PREX1: variants seen among roughly 807,000 people sequenced by gnomAD.
The protein encoded by PREX1 is phosphatidylinositol-3,4,5-trisphosphate dependent Rac exchange factor 1.
A neutral mutation model predicts 198.3 loss-of-function variants in PREX1; 41 were observed. The observed-to-expected ratio is 0.21, with a 90% CI of 0.16 to 0.27. The LOEUF (loss-of-function observed/expected upper bound fraction) is 0.27. Ranked by LOEUF, PREX1 falls within the 10% of genes least tolerant of loss-of-function variation. The probability of loss-of-function intolerance (pLI) is 1.00; values close to 1 mark genes in which losing one functional copy is unlikely to be tolerated. For missense variants in PREX1, 1,620 were observed against 2,200.7 expected (o/e 0.74, Z 5.28); for synonymous variants, 843 against 887.2 (o/e 0.95, Z 0.89).
At chr20:48,747,565 G>A (rs897430245) in intron 2 of PREX1, among the ~76,000 whole-genome samples, 3 of 152,336 alleles carry the variant, frequency 2.0e-5, no homozygotes, top group Middle Eastern at 3.4e-3. Flanking sequence ...GGAAAGTCTC[G>A]GGTTGGAAAG....
chr20:48,794,785 C>T (rs1285520395), intron 1 of PREX1, among the ~76,000 whole-genome samples: 1 of 152,214 alleles, frequency 6.6e-6, no homozygotes, highest in East Asian at 1.9e-4. Flanking sequence ...GGGGAGACAG[C>T]AGTGCTATTT....
intron 4 of PREX1, among the ~76,000 whole-genome samples, chr20:48,727,879 G>C (rs2090016895): frequency 6.6e-6 from 1 of 152,152 alleles, no homozygotes; most frequent in African/African-American, 2.4e-5. Context: ...CTCTCCTTCA[G>C]AGAGGCTCCA....
chr20:48,674,564 A>C (rs1001650112), intron 14 of PREX1, among the ~76,000 whole-genome samples: 1 of 152,182 alleles, frequency 6.6e-6, no homozygotes, highest in Non-Finnish European at 1.5e-5. Context: ...TCGCTGAAAA[A>C]TTCACAGAAC....
chr20:48,670,891 T>C (rs1263471947), intron 14 of PREX1, among the ~76,000 whole-genome samples: 1 of 152,174 alleles, frequency 6.6e-6, no homozygotes, highest in Admixed American at 6.5e-5. Flanking sequence ...AACCCAAGCC[T>C]CAGTTTCTTC....
At chr20:48,727,278 A>G (rs1326870473) in intron 4 of PREX1, among the ~76,000 whole-genome samples, 1 of 152,096 alleles carries the variant, frequency 6.6e-6, no homozygotes, top group Non-Finnish European at 1.5e-5. Flanking sequence ...TTGCAGAGTT[A>G]AAAAGTACAG....
At chr20:48,661,311 C>T (rs1285932378) in intron 15 of PREX1, among the ~76,000 whole-genome samples, 1 of 147,206 alleles carries the variant, frequency 6.8e-6, no homozygotes, top group Non-Finnish European at 1.5e-5. Flanking sequence ...CCCAGCTACT[C>T]GCAAGGCTGA....
At chr20:48,836,528 C>T in the PREX1 span, among the ~76,000 whole-genome samples, 1 of 152,280 alleles carries the variant, frequency 6.6e-6, no homozygotes, top group African/African-American at 2.4e-5. Flanking sequence ...AGACAGAGGG[C>T]AAAGTCTGGA....
chr20:48,884,314 G>A, the PREX1 span, among the ~76,000 whole-genome samples: 1 of 152,156 alleles, frequency 6.6e-6, no homozygotes, highest in Non-Finnish European at 1.5e-5. Flanking sequence ...TCAAGACAGT[G>A]TGGCGTTGGC....
chr20:48,688,497 T>C (rs1005885357), intron 10 of PREX1, among the ~76,000 whole-genome samples, 160 bp downstream of exon 10: 6 of 152,208 alleles, frequency 3.9e-5, no homozygotes, highest in African/African-American at 1.4e-4. Flanking sequence ...ACTAGCCTTC[T>C]TGATCTCTGA....
chr20:48,772,967 C>T (rs931291301), intron 1 of PREX1, among the ~76,000 whole-genome samples: 1 of 152,146 alleles, frequency 6.6e-6, no homozygotes, highest in African/African-American at 2.4e-5. Context: ...AGTAGGTGCT[C>T]AAGAAATGTC....
intron 5 of PREX1, among the ~76,000 whole-genome samples, chr20:48,722,950 G>C (rs550595840): frequency 6.6e-6 from 1 of 152,184 alleles, no homozygotes; most frequent in Non-Finnish European, 1.5e-5. Context: ...GCCCCCCACC[G>C]GCACCAGCCA....
At chr20:48,744,082 C>A (rs1316085601) in intron 3 of PREX1, among the ~76,000 whole-genome samples, 1 of 152,152 alleles carries the variant, frequency 6.6e-6, no homozygotes, top group African/African-American at 2.4e-5. Flanking sequence ...TCCACCTTGG[C>A]ACCACTGACA....
chr20:48,775,388 C>T (rs1208795985), intron 1 of PREX1, among the ~76,000 whole-genome samples: 3 of 151,962 alleles, frequency 2.0e-5, no homozygotes, highest in African/African-American at 7.3e-5. Flanking sequence ...AGAACACGTC[C>T]AGCTGAGACC....
In PREX1 at chr20:48,650,017, T is replaced by G. The variant is rs779385584; in HGVS notation, c.3007A>C (p.Ile1003Leu). ...SIRFGRKPSL[I>L]GLDPEQGHLN... Reference sequence around the variant, plus strand: ...GTACCTTGCTCCGGGTCAAGGCCGATGAGGGAGGGTTTGCGTCCAAAGCGG... The same window carrying G: ...GTACCTTGCTCCGGGTCAAGGCCGAGGAGGGAGGGTTTGCGTCCAAAGCGG... Residue 1003 changes from isoleucine to leucine, a missense_variant, in exon 24 of 40, where the codon ATC (isoleucine) becomes CTC (leucine). Coordinates refer to ENST00000371941, the MANE Select transcript of PREX1 (RefSeq NM_020820.4). The G allele has an allele frequency of 1.2e-6, 2 of 1,614,116 alleles. No homozygotes were observed. Among genetic ancestry groups the G allele is most frequent in the South Asian group, 2.2e-5 (2 of 91,086 alleles).
the PREX1 span, among the ~76,000 whole-genome samples, chr20:48,847,364 T>TAAAAAAAAAAAAAAAAAAAAAAAAA: frequency 1.9e-4 from 15 of 77,228 alleles, no homozygotes; most frequent in Non-Finnish European, 3.4e-4. Context: ...CCTTCTCTTA[T>TAAAAAAAAAAAAAAAAAAAAAAAAA]AAAAAAAAAA....
the PREX1 span, among the ~76,000 whole-genome samples, chr20:48,879,903 T>C: frequency 6.6e-6 from 1 of 152,256 alleles, no homozygotes; most frequent in African/African-American, 2.4e-5. Context: ...TATTCCTTTG[T>C]TTTAATACAC....
At chr20:48,782,815 C>T (rs893962426) in intron 1 of PREX1, among the ~76,000 whole-genome samples, 1 of 152,166 alleles carries the variant, frequency 6.6e-6, no homozygotes, top group African/African-American at 2.4e-5. Context: ...CTCGCTCTCA[C>T]TGCAGTGTGA....
chr20:48,751,543 TC>T (rs2090134202), intron 1 of PREX1, among the ~76,000 whole-genome samples: 1 of 152,186 alleles, frequency 6.6e-6, no homozygotes, highest in Non-Finnish European at 1.5e-5. Flanking sequence ...GGACCAGCCC[TC>T]CTGCTGCCCA....
the PREX1 span, among the ~76,000 whole-genome samples, chr20:48,839,256 G>A: frequency 1.3e-5 from 2 of 152,060 alleles, no homozygotes; most frequent in South Asian, 4.2e-4. Flanking sequence ...TTAGACTATG[G>A]CCTAGGTTTT....
Sources: gnomAD v4.1 joint callset for allele counts (sites outside exome capture counted in the v4.1 genomes callset) on GRCh38, gnomAD v4.1.1 for gene constraint, MANE v1.5 for transcripts, NCBI Gene and HGNC (gene_info 2026-07-23, HGNC 2026-07-21) for gene names.